RNF139: variants seen among roughly 807,000 people sequenced by gnomAD.
RNF139 encodes the protein ring finger protein 139.
In RNF139, 15 loss-of-function variants were observed where a neutral mutation model predicts 49.5. The ratio of observed to expected loss-of-function variants is 0.30; its 90% CI spans 0.20 to 0.47. The LOEUF is 0.47. Ranked by LOEUF, RNF139 falls within the 20% of genes least tolerant of loss-of-function variation. RNF139 has a pLI of 1.00. For synonymous variants in RNF139, 325 were observed against 300.9 expected, an observed-to-expected ratio of 1.08 and a Z score of -0.83; for missense variants, 619 against 806.3, an observed-to-expected ratio of 0.77 and a Z score of 2.81.
intron 1 of RNF139, among the ~76,000 whole-genome samples, chr8:124,479,732 T>G (rs1816374752): frequency 6.6e-6 from 1 of 152,120 alleles, no homozygotes; most frequent in Non-Finnish European, 1.5e-5. Flanking sequence ...GACAAATAGA[T>G]TAGTACTTAG....
intron 1 of RNF139, among the ~76,000 whole-genome samples, chr8:124,476,883 G>A (rs545541916): frequency 6.6e-6 from 1 of 152,294 alleles, no homozygotes; most frequent in Admixed American, 6.5e-5. Context: ...ATAATTTGTA[G>A]TGTAAGAACA....
Position 124,486,985 on chromosome 8 carries a change from A to G in RNF139, c.1336A>G (p.Ile446Val). The G allele has an allele frequency of 6.2e-7, 1 of 1,614,074 alleles. No homozygotes were observed. Among genetic ancestry groups the G allele is most frequent in the Non-Finnish European group, 8.5e-7 (1 of 1,179,988 alleles). The change falls in exon 2 of 2, where the codon ATT becomes GTT. Residue 446 changes from isoleucine to valine, a missense_variant. Physicochemically the swap from Ile to Val is conservative, Grantham distance 29 (BLOSUM62 3). Around this residue, in one of 2 missense-constraint regions of RNF139, gnomAD observed 530 missense variants for 728.9 expected, o/e 0.73. Coordinates refer to ENST00000303545, the MANE Select transcript of RNF139 (RefSeq NM_007218.4). Reference protein sequence around the residue: ...VSLTVYTLFMIDGYYNVLWEK... With the variant: ...VSLTVYTLFMVDGYYNVLWEK... ...TCTCACTGTTTATACGTTATTCATG[A>G]TTGATGGCTACTATAATGTCCTCTG... is the stretch of plus-strand genomic sequence containing the variant.
At chr8:124,482,468 T>G (rs1042332067) in intron 1 of RNF139, among the ~76,000 whole-genome samples, 1 of 152,212 alleles carries the variant, frequency 6.6e-6, no homozygotes, top group South Asian at 2.1e-4. Flanking sequence ...TATTTTGTTT[T>G]GGTTTTGACC....
intron 1 of RNF139, among the ~76,000 whole-genome samples, chr8:124,480,139 T>TA (rs11354778): frequency 6.4e-4 from 93 of 144,666 alleles, no homozygotes; most frequent in African/African-American, 9.6e-4. Flanking sequence ...CCCTGTCTCT[T>TA]AAAAAAAAAA....
At chr8:124,481,777 T>TA (rs904365836) in intron 1 of RNF139, among the ~76,000 whole-genome samples, 11 of 152,142 alleles carry the variant, frequency 7.2e-5, no homozygotes, top group African/African-American at 2.7e-4. Flanking sequence ...TCTCTGGACT[T>TA]TTATATTTTC....
chr8:124,475,363 G>C, intron 1 of RNF139, 73 bp downstream of exon 1: 1 of 1,475,382 alleles, frequency 6.8e-7, no homozygotes, highest in African/African-American at 1.4e-5. Context: ...GCGGGCAGGC[G>C]CGCAGAGGCC....
chr8:124,484,403 T>C (rs1018950270), intron 1 of RNF139, among the ~76,000 whole-genome samples: 6 of 152,140 alleles, frequency 3.9e-5, no homozygotes, highest in Admixed American at 3.3e-4. Context: ...TGAGGGTTTT[T>C]TGAGACAGAC....
intron 1 of RNF139, among the ~76,000 whole-genome samples, chr8:124,478,398 C>T (rs1816346609): frequency 6.6e-6 from 1 of 151,964 alleles, no homozygotes; most frequent in Non-Finnish European, 1.5e-5. Context: ...AGGCAGATTG[C>T]TTGAGGCCAG....
At chr8:124,483,873 C>G (rs529686196) in intron 1 of RNF139, among the ~76,000 whole-genome samples, 1 of 152,176 alleles carries the variant, frequency 6.6e-6, no homozygotes, top group Non-Finnish European at 1.5e-5. Flanking sequence ...CAGACATTTC[C>G]TAATGAATAC....
chr8:124,487,473 T>C lies in RNF139; in HGVS notation c.1824T>C (p.Ile608=). ...NSNVSNNNGF[I]PPNETPEEAV... Reference sequence around the variant, plus strand: ...ATGTATCTAACAACAATGGATTTATTCCACCCAATGAAACTCCAGAGGAAG... The same window carrying C: ...ATGTATCTAACAACAATGGATTTATCCCACCCAATGAAACTCCAGAGGAAG... Residue 608 remains isoleucine, a synonymous_variant, in exon 2 of 2, where the codon ATT becomes ATC. Coordinates refer to ENST00000303545, the MANE Select transcript of RNF139 (RefSeq NM_007218.4). 1 of 1,614,112 alleles carries C rather than the reference T, an allele frequency of 6.2e-7. No individual in the cohort carries two copies. Among genetic ancestry groups the C allele is most frequent in the Non-Finnish European group, 8.5e-7 (1 of 1,179,988 alleles).
intron 1 of RNF139, among the ~76,000 whole-genome samples, chr8:124,485,169 G>T (rs1354037298): frequency 6.6e-6 from 1 of 152,192 alleles, no homozygotes; most frequent in East Asian, 1.9e-4. Flanking sequence ...TTAGAGACCA[G>T]TCTGGCCAAC....
At chr8:124,478,466 G>A (rs1816347911) in intron 1 of RNF139, among the ~76,000 whole-genome samples, 1 of 151,706 alleles carries the variant, frequency 6.6e-6, no homozygotes, top group Middle Eastern at 3.4e-3. Flanking sequence ...AAATTAGCCG[G>A]GTGCAGTGAC....
chr8:124,485,063 T>A (rs1816505973), intron 1 of RNF139, among the ~76,000 whole-genome samples: 1 of 151,690 alleles, frequency 6.6e-6, no homozygotes, highest in Admixed American at 6.6e-5. Context: ...AAGAATCCTT[T>A]AAAAAAAAAT....
At chr8:124,478,140 T>TAAAA (rs1395642000) in intron 1 of RNF139, among the ~76,000 whole-genome samples, 1 of 133,670 alleles carries the variant, frequency 7.5e-6, no homozygotes, top group African/African-American at 2.8e-5. Flanking sequence ...AGACTCTGTC[T>TAAAA]AAAAAAAAAA....
chr8:124,486,975 G>A lies in RNF139; in HGVS notation c.1326G>A (p.Thr442=), dbSNP rs34085156. ...TAATTGTTTCTCTCACTGTTTATACGTTATTCATGATTGATGGCTACTATA... is the reference window on the plus strand; with the variant it reads ...TAATTGTTTCTCTCACTGTTTATACATTATTCATGATTGATGGCTACTATA... The part of the protein sequence containing the change: ...LKVIVSLTVY[T]LFMIDGYYNV... Residue 442 remains threonine, a synonymous_variant, in exon 2 of 2, where the codon ACG becomes ACA. Transcript: ENST00000303545. The A allele has an allele frequency of 6.0e-4, 974 of 1,613,946 alleles. 6 individuals are homozygous for A. The African/African-American group carries it at 0.012, about 20-fold the overall frequency.
intron 1 of RNF139, among the ~76,000 whole-genome samples, chr8:124,482,848 C>T (rs927191251): frequency 6.8e-6 from 1 of 146,572 alleles, no homozygotes; most frequent in East Asian, 2.0e-4. Flanking sequence ...ATCGCTTGAA[C>T]CTGGGAGGCA....
chr8:124,482,940 A>AT (rs1217989228), intron 1 of RNF139, among the ~76,000 whole-genome samples: 7,378 of 101,274 alleles, frequency 0.073, 584 homozygotes, highest in Non-Finnish European at 0.11. Flanking sequence ...AAATATAAAA[A>AT]AAAATATATA....
chr8:124,485,982 G>T lies in RNF139; in HGVS notation c.333G>T (p.Thr111=). The part of the protein sequence containing the change: ...LHIDFYGAYN[T]SAFGIELLPR... ...TTGACTTCTATGGTGCCTACAACAC[G>T]TCAGCTTTTGGAATTGAGCTGCTTC... The change falls in exon 2 of 2, where the codon ACG becomes ACT. Residue 111 remains threonine, a synonymous_variant. Transcript: ENST00000303545. 6.2e-7 allele frequency: 1 copy of T among 1,614,160 alleles called. No individual in the cohort carries two copies. Among genetic ancestry groups the T allele is most frequent in the Non-Finnish European group, 8.5e-7 (1 of 1,180,012 alleles).
chr8:124,486,538 G>C lies in RNF139; in HGVS notation c.889G>C (p.Val297Leu). Residue 297 changes from valine (V) to leucine (L), a missense_variant, in exon 2 of 2, where the codon GTA becomes CTA. Coordinates refer to ENST00000303545, the MANE Select transcript of RNF139 (RefSeq NM_007218.4). ...STLTVLGMSA[V>L]ISSVAHYLGL... ...ACTAACTGTACTGGGCATGAGTGCT[G>C]TAATTTCCTCAGTAGCCCATTATTT... The C allele has an allele frequency of 1.2e-6, 2 of 1,614,190 alleles. No homozygotes were observed. The highest frequency in any genetic ancestry group is 1.1e-5 in the South Asian group (1 of 91,084).
Sources: allele counts gnomAD v4.1 joint callset (sites outside exome capture counted in the v4.1 genomes callset), GRCh38; gene constraint gnomAD v4.1.1; regional missense constraint gnomAD v4.1.1; transcripts MANE v1.5; gene names NCBI Gene and HGNC (gene_info 2026-07-23, HGNC 2026-07-21).